LINGO3: variants seen among roughly 807,000 people sequenced by gnomAD.
LINGO3 encodes the protein leucine-rich repeat and immunoglobulin-like domain-containing nogo receptor-interacting protein 3.
For missense variants in LINGO3, 750 were observed against 867.7 expected (o/e 0.86, Z 1.70); for synonymous variants, 427 against 444.2 (o/e 0.96, Z 0.49).
chr19:2,289,927 A>C, exon 1 of LINGO3: 3 of 1,294,942 alleles, frequency 2.3e-6, no homozygotes, highest in African/African-American at 1.5e-5. Context: ...CCCCTCCGGG[A>C]AATGCATAGG....
the LINGO3 span, among the ~76,000 whole-genome samples, chr19:2,300,327 C>T: frequency 2.0e-5 from 3 of 152,168 alleles, no homozygotes; most frequent in Non-Finnish European, 2.9e-5. Context: ...CCACTGCGCC[C>T]GGCCCCAGGC....
the LINGO3 span, among the ~76,000 whole-genome samples, chr19:2,298,375 C>T: frequency 2.5e-3 from 385 of 151,670 alleles, 1 homozygote; most frequent in African/African-American, 9.0e-3. Flanking sequence ...GGATTATAGG[C>T]AAGTGCCAGC....
chr19:2,305,400 C>A, the LINGO3 span, among the ~76,000 whole-genome samples: 3 of 152,116 alleles, frequency 2.0e-5, no homozygotes, highest in Admixed American at 2.0e-4. Context: ...AAGGAGAAGG[C>A]AGAGTGTGGC....
At chr19:2,296,836 C>T (rs998414363), upstream of LINGO3, among the ~76,000 whole-genome samples, 3 of 151,248 alleles carry the variant, frequency 2.0e-5, no homozygotes, top group Non-Finnish European at 2.9e-5. Context: ...CACCTGTAAT[C>T]CCAGCACTTT....
exon 1 of LINGO3, chr19:2,289,939 G>T: frequency 1.4e-6 from 2 of 1,380,474 alleles, no homozygotes; most frequent in South Asian, 1.4e-5. Flanking sequence ...ATGCATAGGT[G>T]GACACGCGAG....
At position 2,290,657 on chromosome 19, in the gene LINGO3, C is replaced by T; in HGVS notation, c.1120G>A (p.Gly374Arg). 1.9e-6 allele frequency: 3 copies of T among 1,604,982 alleles called. No homozygotes were observed. Among genetic ancestry groups the T allele is most frequent in the Non-Finnish European group, 2.5e-6 (3 of 1,177,398 alleles). Reference sequence around the variant, plus strand: ...GGGGTGGCGCAGGCCGGCAGCCGCCCGTCGAAGTTGAGGGTCTTGCGACGC... The same window carrying T: ...GGGGTGGCGCAGGCCGGCAGCCGCCTGTCGAAGTTGAGGGTCTTGCGACGC... The change falls in exon 1 of 1, where the codon GGG (glycine) becomes AGG (arginine). Residue 374 changes from glycine to arginine, a missense_variant. Gly to Arg is a moderately radical substitution (Grantham distance 125). Transcript: ENST00000585527. The surrounding 1 kb of genome is among the most constrained non-coding windows in gnomAD (Gnocchi z 6.0).
At chr19:2,305,747 C>T in the LINGO3 span, among the ~76,000 whole-genome samples, 2 of 152,206 alleles carry the variant, frequency 1.3e-5, no homozygotes, top group African/African-American at 2.4e-5. Context: ...CTCTGCCCCC[C>T]ACCACAACCA....
chr19:2,300,000 G>A, the LINGO3 span, among the ~76,000 whole-genome samples: 3 of 150,516 alleles, frequency 2.0e-5, no homozygotes, highest in Non-Finnish European at 3.0e-5. Flanking sequence ...TGGGATTACC[G>A]GGGTGAACCA....
Position 2,290,056 on chromosome 19 carries a change from C to G in LINGO3, c.1721G>C (p.Gly574Ala). The change falls in exon 1 of 1, where the codon GGG becomes GCG. Residue 574 changes from glycine to alanine, a missense_variant. Gly to Ala is a moderately conservative substitution (Grantham distance 60). Transcript: ENST00000585527. This position sits in a 1 kb window ranked among gnomAD's most constrained non-coding sequence, Gnocchi z 6.0. The stretch of plus-strand genomic sequence containing the variant: ...TCCCTGGCCCGCCGCGGCGGCCGGC[C>G]CATCCACCTTGCGGAAGGAGTACTC... 1 of 1,558,222 alleles carries G rather than the reference C, an allele frequency of 6.4e-7. No individual in the cohort carries two copies.
At chr19:2,295,911 C>T (rs138008862), upstream of LINGO3, among the ~76,000 whole-genome samples, 2,732 of 152,062 alleles carry the variant, frequency 0.018, 40 homozygotes, top group Non-Finnish European at 0.027. Flanking sequence ...GAGAGAAAAG[C>T]GAGGGGCCCC....
chr19:2,304,897 TG>T, the LINGO3 span, among the ~76,000 whole-genome samples: 1 of 151,744 alleles, frequency 6.6e-6, no homozygotes, highest in Admixed American at 6.6e-5. Flanking sequence ...TCAGTAGAGA[TG>T]GGGTTTCACC....
downstream of LINGO3, among the ~76,000 whole-genome samples, chr19:2,288,360 C>T (rs2025484734): frequency 6.6e-6 from 1 of 152,228 alleles, no homozygotes; most frequent in South Asian, 2.1e-4. The surrounding 1 kb of genome is among the most constrained non-coding windows in gnomAD (Gnocchi z 6.5). Flanking sequence ...CCGGGAACCC[C>T]CTGTGCTCTT....
the LINGO3 span, among the ~76,000 whole-genome samples, chr19:2,302,707 C>CCACAGG: frequency 6.6e-6 from 1 of 152,246 alleles, no homozygotes; most frequent in Non-Finnish European, 1.5e-5. Context: ...AGGGAGGACT[C>CCACAGG]GTGTTTCAAG....
downstream of LINGO3, among the ~76,000 whole-genome samples, chr19:2,288,346 A>G (rs1289786439): frequency 6.6e-6 from 1 of 152,132 alleles, no homozygotes; most frequent in Non-Finnish European, 1.5e-5. This position sits in a 1 kb window ranked among gnomAD's most constrained non-coding sequence, Gnocchi z 6.5. Context: ...CGTAGCCGGG[A>G]TCCCCGGGAA....
chr19:2,304,609 C>CT, the LINGO3 span, among the ~76,000 whole-genome samples: 7 of 151,762 alleles, frequency 4.6e-5, no homozygotes, highest in East Asian at 1.4e-3. Context: ...GGGTGGGGCC[C>CT]TGAGCCAAGG....
chr19:2,296,461 C>A (rs1301524582), upstream of LINGO3, among the ~76,000 whole-genome samples: 1 of 151,938 alleles, frequency 6.6e-6, no homozygotes, highest in African/African-American at 2.4e-5. Context: ...GCTTGGGCAA[C>A]AGAGCGAGAC....
At position 2,290,302 on chromosome 19, in the gene LINGO3, A is replaced by G. The variant is rs1429390391; in HGVS notation, c.1475T>C (p.Phe492Ser). The change falls in exon 1 of 1, where the codon TTC (phenylalanine) becomes TCC (serine). Residue 492 changes from phenylalanine to serine, a missense_variant. Physicochemically the swap from Phe to Ser is radical, Grantham distance 155 (BLOSUM62 -2). Coordinates refer to ENST00000585527, the Ensembl canonical transcript of LINGO3. The surrounding 1 kb of genome is among the most constrained non-coding windows in gnomAD (Gnocchi z 6.0). ...CTCGGGGCGCACGGTCAGCGTGGCGAAGTAGGTGTCGTTGCCGCCCGCGTT... is the reference window on the plus strand; with the variant it reads ...CTCGGGGCGCACGGTCAGCGTGGCGGAGTAGGTGTCGTTGCCGCCCGCGTT... 1.3e-6 allele frequency: 2 copies of G among 1,575,544 alleles called. No homozygotes were observed. The highest frequency in any genetic ancestry group is 1.7e-6 in the Non-Finnish European group (2 of 1,166,838).
exon 1 of LINGO3, chr19:2,291,385 A>G: frequency 6.2e-7 from 1 of 1,613,520 alleles, no homozygotes. Context: ...GCTCAGGTCC[A>G]GCAGCGTGAG....
chr19:2,291,735 C>T, exon 1 of LINGO3: 1 of 1,348,138 alleles, frequency 7.4e-7, no homozygotes, highest in Non-Finnish European at 9.5e-7. Context: ...CCGCGGGCAG[C>T]AGGAGCAGGG....
Sources: allele counts gnomAD v4.1 joint callset (sites outside exome capture counted in the v4.1 genomes callset), GRCh38; gene constraint gnomAD v4.1.1; non-coding constraint Gnocchi (gnomAD v3.1); transcripts MANE v1.5; gene names NCBI Gene and HGNC (gene_info 2026-07-23, HGNC 2026-07-21).